Variants in INSL6 observed in about 807,000 individuals in gnomAD.
INSL6 encodes the protein insulin-like peptide INSL6.
Under a neutral mutation model 9.4 loss-of-function variants are expected in INSL6, and 16 were observed. That is an observed-to-expected ratio of 1.70 (90% CI 1.15 to 2.59). The LOEUF is 2.59. INSL6 is among the 30% of genes most tolerant of loss of function. The pLI is 0.00. For missense variants in INSL6, 391 were observed against 257.3 expected (o/e 1.52, Z -3.56); for synonymous variants, 154 against 96.9 (o/e 1.59, Z -3.46).
At chr9:4,998,295 C>T in the INSL6 span, among the ~76,000 whole-genome samples, 1 of 152,032 alleles carries the variant, frequency 6.6e-6, no homozygotes, top group Non-Finnish European at 1.5e-5. Flanking sequence ...CTTGCTCTGT[C>T]ACCCAGGCTG....
intron 3 of INSL6, chr9:5,126,313 TG>T: frequency 6.6e-7 from 1 of 1,516,486 alleles, no homozygotes; most frequent in Non-Finnish European, 9.0e-7. Flanking sequence ...CAAAAAATAT[TG>T]AAAGTGGGTT....
chr9:5,053,065 G>C, the INSL6 span, among the ~76,000 whole-genome samples: 2 of 152,090 alleles, frequency 1.3e-5, no homozygotes, highest in East Asian at 1.9e-4. Flanking sequence ...TTGAGGAACT[G>C]CTTAACTTTT....
At chr9:5,173,798 G>T (rs1041183286) in intron 1 of INSL6, among the ~76,000 whole-genome samples, 1 of 151,676 alleles carries the variant, frequency 6.6e-6, no homozygotes, top group African/African-American at 2.4e-5. Context: ...AAGAATGAAA[G>T]GGTTCATCCC....
the INSL6 span, among the ~76,000 whole-genome samples, chr9:5,043,443 A>G: frequency 1.3e-5 from 2 of 152,258 alleles, no homozygotes; most frequent in Non-Finnish European, 2.9e-5. Flanking sequence ...CAGAAAGACA[A>G]ACAATAACAA....
chr9:5,079,828 A>AT, the INSL6 span, among the ~76,000 whole-genome samples: 59 of 149,456 alleles, frequency 3.9e-4, 1 homozygote, highest in African/African-American at 8.4e-4. Context: ...CAAAAAAAAA[A>AT]TTTTTTTTTT....
At chr9:5,074,177 CAG>C in the INSL6 span, among the ~76,000 whole-genome samples, 12 of 152,104 alleles carry the variant, frequency 7.9e-5, no homozygotes, top group Non-Finnish European at 1.8e-4. Flanking sequence ...ATGGAACTGA[CAG>C]AAATGATTAT....
downstream of INSL6, among the ~76,000 whole-genome samples, chr9:5,119,833 AG>A (rs575965640): frequency 2.6e-5 from 4 of 152,224 alleles, no homozygotes; most frequent in Non-Finnish European, 5.9e-5. Context: ...AAAGCAAATC[AG>A]GCAGTTAGCA....
intron 3 of INSL6, chr9:5,126,187 T>G: frequency 1.8e-6 from 1 of 561,446 alleles, no homozygotes. Context: ...ATGTTTTTGA[T>G]CCTAAAAGTA....
chr9:5,015,847 T>A, the INSL6 span, among the ~76,000 whole-genome samples: 4 of 152,196 alleles, frequency 2.6e-5, no homozygotes, highest in Non-Finnish European at 5.9e-5. Context: ...TGATTTCCAG[T>A]TACCATCCTT....
chr9:5,077,918 G>T, the INSL6 span, among the ~76,000 whole-genome samples: 7 of 152,264 alleles, frequency 4.6e-5, no homozygotes, highest in Non-Finnish European at 4.4e-5. Flanking sequence ...CCATGAGAAA[G>T]CGGTGTTGAC....
downstream of INSL6, among the ~76,000 whole-genome samples, chr9:5,160,153 G>A (rs1824895106): frequency 1.4e-5 from 2 of 144,128 alleles, no homozygotes; most frequent in East Asian, 2.0e-4. Flanking sequence ...TCCAGCCTGG[G>A]CAACAAGAGT....
the INSL6 span, among the ~76,000 whole-genome samples, chr9:5,008,827 C>T: frequency 1.3e-5 from 2 of 152,242 alleles, no homozygotes; most frequent in African/African-American, 4.8e-5. Context: ...TTCATTCGTC[C>T]TCCATCTAGA....
intron 3 of INSL6, among the ~76,000 whole-genome samples, chr9:5,125,749 T>C (rs1823946210): frequency 6.6e-6 from 1 of 151,596 alleles, no homozygotes; most frequent in African/African-American, 2.4e-5. Flanking sequence ...TGGTTGACTA[T>C]ATATTTGTTG....
At chr9:5,053,829 A>G in the INSL6 span, among the ~76,000 whole-genome samples, 1 of 152,012 alleles carries the variant, frequency 6.6e-6, no homozygotes, top group Non-Finnish European at 1.5e-5. Context: ...TTCCTGGATT[A>G]GATGGTACTT....
chr9:5,171,508 AG>A (rs1326810122), intron 1 of INSL6, among the ~76,000 whole-genome samples: 1 of 152,226 alleles, frequency 6.6e-6, no homozygotes, highest in Non-Finnish European at 1.5e-5. Context: ...AAAGAAATAA[AG>A]GGTATTCAAA....
the INSL6 span, chr9:5,041,869 G>A: frequency 8.6e-5 from 39 of 455,340 alleles, no homozygotes; most frequent in Middle Eastern, 4.3e-3. Flanking sequence ...CCCATGGCCG[G>A]CCACTCCAGC....
the INSL6 span, among the ~76,000 whole-genome samples, chr9:5,096,257 T>C: frequency 6.6e-6 from 1 of 152,188 alleles, no homozygotes; most frequent in African/African-American, 2.4e-5. Flanking sequence ...ATTCTAGTTA[T>C]AACTTAGAAA....
the INSL6 span, among the ~76,000 whole-genome samples, chr9:5,042,760 G>C: frequency 1.3e-5 from 2 of 152,332 alleles, no homozygotes; most frequent in African/African-American, 4.8e-5. Context: ...TGCCAGGGGT[G>C]AGGCTGTGCC....
the INSL6 span, among the ~76,000 whole-genome samples, chr9:5,025,770 G>A: frequency 3.9e-5 from 6 of 152,132 alleles, no homozygotes; most frequent in Non-Finnish European, 1.5e-5. Context: ...GACTTCAGGT[G>A]ATCCACCTGC....
Sources: allele counts gnomAD v4.1 joint callset (sites outside exome capture counted in the v4.1 genomes callset), GRCh38; gene constraint gnomAD v4.1.1; transcripts MANE v1.5; gene names NCBI Gene and HGNC (gene_info 2026-07-23, HGNC 2026-07-21).